KLF7: variants seen among roughly 807,000 people sequenced by gnomAD.
KLF7 encodes KLF transcription factor 7.
A neutral mutation model predicts 27.3 loss-of-function variants in KLF7; 2 were observed. The observed-to-expected ratio is 0.07, with a 90% CI of 0.03 to 0.23. The LOEUF is 0.23. KLF7 is among the 10% of genes least tolerant of loss of function. The pLI, the probability that KLF7 is intolerant of heterozygous loss-of-function variation, is 1.00. For missense variants in KLF7, 221 were observed against 394.1 expected (o/e 0.56, Z 3.72); for synonymous variants, 165 against 162.4 (o/e 1.02, Z -0.12).
intron 1 of KLF7, among the ~76,000 whole-genome samples, chr2:207,148,438 C>T (rs1417232179): frequency 6.6e-6 from 1 of 151,898 alleles, no homozygotes; most frequent in Non-Finnish European, 1.5e-5. Context: ...TACTGCTTCC[C>T]ATGGTCATTC....
chr2:207,121,672 A>AC (rs2077344766), intron 2 of KLF7: 1 of 152,242 alleles, frequency 6.6e-6, no homozygotes, highest in Non-Finnish European at 1.5e-5. Flanking sequence ...TTTCCACTTT[A>AC]GTCCAACATG....
upstream of KLF7, among the ~76,000 whole-genome samples, chr2:207,167,734 C>T (rs1387086041): frequency 6.6e-6 from 1 of 152,188 alleles, no homozygotes; most frequent in Non-Finnish European, 1.5e-5. Context: ...ACTAGCTGCA[C>T]GACTTTGAGC....
At chr2:207,120,582 A>G (rs868003915) in intron 2 of KLF7, among the ~76,000 whole-genome samples, 1 of 152,240 alleles carries the variant, frequency 6.6e-6, no homozygotes, top group Middle Eastern at 3.4e-3. Flanking sequence ...CACCTCCCCA[A>G]CTGGAAGATA....
chr2:207,102,473 G>C (rs1352043575), intron 2 of KLF7, among the ~76,000 whole-genome samples: 1 of 152,110 alleles, frequency 6.6e-6, no homozygotes, highest in Non-Finnish European at 1.5e-5. Flanking sequence ...TAATTTCCCA[G>C]TCACTTCATA....
At chr2:207,145,557 G>A (rs1473006889) in intron 1 of KLF7, among the ~76,000 whole-genome samples, 1 of 152,250 alleles carries the variant, frequency 6.6e-6, no homozygotes, top group East Asian at 1.9e-4. Context: ...TTCCTTTTGA[G>A]TGGTAACTGT....
intron 2 of KLF7, among the ~76,000 whole-genome samples, chr2:207,093,030 A>G (rs1445691275): frequency 6.6e-6 from 1 of 152,172 alleles, no homozygotes; most frequent in African/African-American, 2.4e-5. Context: ...TGGCTCCTAC[A>G]GTCTATTCTA....
intron 2 of KLF7, among the ~76,000 whole-genome samples, chr2:207,101,616 G>A (rs1172520646): frequency 6.6e-6 from 1 of 152,130 alleles, no homozygotes; most frequent in African/African-American, 2.4e-5. Flanking sequence ...CAAACCCTGA[G>A]GAACCTTGAT....
upstream of KLF7, among the ~76,000 whole-genome samples, chr2:207,170,547 G>T (rs997190787): frequency 6.6e-6 from 1 of 152,180 alleles, no homozygotes; most frequent in Non-Finnish European, 1.5e-5. Context: ...AGAAAGCAAT[G>T]TCTGGCTTCA....
intron 1 of KLF7, among the ~76,000 whole-genome samples, chr2:207,157,219 TAAAAAAAAA>T (rs5838052): frequency 1.1e-5 from 1 of 87,314 alleles, no homozygotes; most frequent in African/African-American, 4.3e-5. Context: ...AACAGAAAAG[TAAAAAAAAA>T]AAAAAAAAAA....
intron 2 of KLF7, among the ~76,000 whole-genome samples, chr2:207,094,600 A>G (rs533329261): frequency 1.3e-5 from 2 of 152,368 alleles, no homozygotes; most frequent in African/African-American, 4.8e-5. Context: ...GCTGGAGAAT[A>G]AAGACATTGT....
At chr2:207,118,578 A>C (rs2077252204) in intron 2 of KLF7, among the ~76,000 whole-genome samples, 1 of 152,230 alleles carries the variant, frequency 6.6e-6, no homozygotes, top group Non-Finnish European at 1.5e-5. Flanking sequence ...CCACTGGAGC[A>C]ATACTGTTTG....
Position 207,077,896 on chromosome 2 carries a change from C to T in KLF7, c.*3317G>A, listed in dbSNP as rs1186733312. 2.0e-5 allele frequency: 3 copies of T among 152,148 alleles called. No homozygotes were observed. Among genetic ancestry groups the T allele is most frequent in the African/African-American group, 4.8e-5 (2 of 41,418 alleles). 9.4% of individuals were successfully genotyped at this position (152,148 alleles called of 1,614,324 possible). A position where few individuals can be genotyped will look rare whatever the true frequency, so the allele number is the denominator to read the frequency against. ...TAGGACACCACCAGAAACACCAGGC[C>T]GGGTTTTTCCTTTCAAATTTGGGAT... On this transcript the variant is annotated 3_prime_UTR_variant, in exon 4 of 4. Coordinates refer to ENST00000309446, the MANE Select transcript of KLF7 (RefSeq NM_003709.4).
chr2:207,154,395 T>C (rs1159535223), intron 1 of KLF7, among the ~76,000 whole-genome samples: 6 of 152,214 alleles, frequency 3.9e-5, no homozygotes, highest in African/African-American at 1.2e-4. Flanking sequence ...GACATTTGCA[T>C]GAACAAGCCA....
chr2:207,106,900 C>T (rs1019796194), intron 2 of KLF7, among the ~76,000 whole-genome samples: 2 of 152,130 alleles, frequency 1.3e-5, no homozygotes, highest in African/African-American at 4.8e-5. Context: ...CAGCATAATG[C>T]TGCAGGGGAC....
chr2:207,167,965 G>A (rs1486482444), upstream of KLF7, among the ~76,000 whole-genome samples: 5 of 152,160 alleles, frequency 3.3e-5, no homozygotes, highest in Non-Finnish European at 5.9e-5. Context: ...ATAGAATCTT[G>A]GAGATAGAGG....
chr2:207,109,311 A>G (rs2076966654), intron 2 of KLF7, among the ~76,000 whole-genome samples: 1 of 152,262 alleles, frequency 6.6e-6, no homozygotes, highest in African/African-American at 2.4e-5. Flanking sequence ...ATACTGAACA[A>G]GTAAAATAAC....
At chr2:207,098,179 G>A (rs960655150) in intron 2 of KLF7, among the ~76,000 whole-genome samples, 12 of 151,854 alleles carry the variant, frequency 7.9e-5, no homozygotes, top group Non-Finnish European at 1.8e-4. Context: ...TGTTCTTTTT[G>A]TTTTTCAAGG....
At chr2:207,104,990 T>C (rs1043800321) in intron 2 of KLF7, among the ~76,000 whole-genome samples, 1 of 152,138 alleles carries the variant, frequency 6.6e-6, no homozygotes, top group African/African-American at 2.4e-5. Flanking sequence ...GAACCCATGG[T>C]CTCATTTTCA....
At chr2:207,122,638 G>C (rs1436054946) in intron 2 of KLF7, among the ~76,000 whole-genome samples, 1 of 152,080 alleles carries the variant, frequency 6.6e-6, no homozygotes, top group East Asian at 1.9e-4. Flanking sequence ...CTAAAGCCCA[G>C]GTTGTTCTGA....
Sources: gnomAD v4.1 joint callset for allele counts (sites outside exome capture counted in the v4.1 genomes callset) on GRCh38, gnomAD v4.1.1 for gene constraint, MANE v1.5 for transcripts, NCBI Gene and HGNC (gene_info 2026-07-23, HGNC 2026-07-21) for gene names.